Variants in GABRB2 observed in about 807,000 individuals in gnomAD.
GABRB2 encodes gamma-aminobutyric acid type A receptor subunit beta2.
In GABRB2, 16 loss-of-function variants were observed where a neutral mutation model predicts 54.7. That is an observed-to-expected ratio of 0.29 (90% CI 0.20 to 0.44). GABRB2 has a LOEUF of 0.44. GABRB2 is among the 20% of genes least tolerant of loss of function. The pLI is 1.00. For synonymous variants in GABRB2, 244 were observed against 233.8 expected, an observed-to-expected ratio of 1.04 and a Z score of -0.40; for missense variants, 355 against 644.0, an observed-to-expected ratio of 0.55 and a Z score of 4.86.
chr5:161,319,942 C>T (rs1433639982), intron 9 of GABRB2, among the ~76,000 whole-genome samples: 1 of 151,052 alleles, frequency 6.6e-6, no homozygotes, highest in Non-Finnish European at 1.5e-5. Flanking sequence ...ATTATATATC[C>T]ACATTTTCTA....
intron 3 of GABRB2, among the ~76,000 whole-genome samples, chr5:161,517,827 C>T (rs987764159): frequency 4.1e-4 from 62 of 150,908 alleles, no homozygotes; most frequent in Admixed American, 2.0e-4. Context: ...GACAGAGTCT[C>T]ACTCTGTTGC....
At chr5:161,493,543 C>T (rs1759138923) in intron 3 of GABRB2, among the ~76,000 whole-genome samples, 1 of 151,554 alleles carries the variant, frequency 6.6e-6, no homozygotes, top group Admixed American at 6.6e-5. Context: ...ATGAGAGATT[C>T]TGTTTAAAAA....
chr5:161,544,323 G>C (rs1408878714), intron 3 of GABRB2, among the ~76,000 whole-genome samples: 4 of 152,000 alleles, frequency 2.6e-5, no homozygotes, highest in Non-Finnish European at 4.4e-5. Flanking sequence ...CTATCTAGAG[G>C]GACTTCTCCA....
chr5:161,322,864 C>T (rs894720650), intron 9 of GABRB2, among the ~76,000 whole-genome samples: 2 of 151,932 alleles, frequency 1.3e-5, no homozygotes, highest in Non-Finnish European at 2.9e-5. Context: ...CTCTTTTAAT[C>T]GCTTCTTGTT....
At chr5:161,509,575 G>A (rs1461432031) in intron 3 of GABRB2, among the ~76,000 whole-genome samples, 1 of 151,882 alleles carries the variant, frequency 6.6e-6, no homozygotes. Flanking sequence ...TGTACTCATG[G>A]CACTCTATCG....
intron 9 of GABRB2, among the ~76,000 whole-genome samples, chr5:161,305,311 C>T (rs1297343263): frequency 2.6e-5 from 4 of 152,134 alleles, no homozygotes; most frequent in Admixed American, 6.5e-5. Flanking sequence ...CCACCACGCC[C>T]GGCCGATATA....
chr5:161,412,663 A>G (rs1756553702), intron 4 of GABRB2, among the ~76,000 whole-genome samples: 2 of 152,152 alleles, frequency 1.3e-5, no homozygotes, highest in South Asian at 2.1e-4. Flanking sequence ...TCCCAGTATC[A>G]TCTCACTCCA....
chr5:161,429,300 C>A, intron 4 of GABRB2, among the ~76,000 whole-genome samples: 1 of 138,088 alleles, frequency 7.2e-6, no homozygotes, highest in Non-Finnish European at 1.5e-5. Context: ...GAGCTGAGAT[C>A]GCACCACTGC....
At chr5:161,463,317 CCACA>C (rs137863733) in intron 3 of GABRB2, among the ~76,000 whole-genome samples, 27,529 of 140,970 alleles carry the variant, frequency 0.2, 2,571 homozygotes, top group Middle Eastern at 0.26. Flanking sequence ...TACACACACA[CCACA>C]CACACACACA....
chr5:161,300,213 A>G (rs1175325398), intron 9 of GABRB2, among the ~76,000 whole-genome samples: 1 of 152,226 alleles, frequency 6.6e-6, no homozygotes, highest in African/African-American at 2.4e-5. Context: ...CCGTAAGTTT[A>G]TTGAATTTTA....
chr5:161,306,417 TA>T (rs111658009), intron 9 of GABRB2, among the ~76,000 whole-genome samples: 16 of 152,364 alleles, frequency 1.1e-4, no homozygotes, highest in African/African-American at 3.8e-4. Flanking sequence ...TGTATAGAGA[TA>T]TTTTTTTCCA....
At chr5:161,362,256 T>C (rs1223505050) in intron 5 of GABRB2, among the ~76,000 whole-genome samples, 1 of 152,186 alleles carries the variant, frequency 6.6e-6, no homozygotes, top group Non-Finnish European at 1.5e-5. Flanking sequence ...CTTGGCTATA[T>C]GGGCTCTTCT....
intron 4 of GABRB2, among the ~76,000 whole-genome samples, chr5:161,419,487 C>G (rs531259456): frequency 1.3e-5 from 2 of 152,140 alleles, no homozygotes; most frequent in Non-Finnish European, 2.9e-5. Context: ...TAAACCGCTA[C>G]GCCAAAAGGA....
At chr5:161,530,569 T>C (rs1221874506) in intron 3 of GABRB2, among the ~76,000 whole-genome samples, 1 of 152,036 alleles carries the variant, frequency 6.6e-6, no homozygotes, top group African/African-American at 2.4e-5. Flanking sequence ...TGGAAAAAAA[T>C]ATATCTCTTC....
At chr5:161,542,027 G>T (rs1760836277) in intron 3 of GABRB2, among the ~76,000 whole-genome samples, 1 of 152,176 alleles carries the variant, frequency 6.6e-6, no homozygotes, top group African/African-American at 2.4e-5. Flanking sequence ...TTTCCATATT[G>T]TTGTGTCTCA....
chr5:161,391,612 A>T (rs1039720001), intron 5 of GABRB2, among the ~76,000 whole-genome samples: 2 of 152,212 alleles, frequency 1.3e-5, no homozygotes, highest in African/African-American at 4.8e-5. Flanking sequence ...ATGTAATATT[A>T]GCATTAGGAA....
chr5:161,330,410 T>A (rs1753803602), intron 8 of GABRB2: 3 of 153,798 alleles, frequency 2.0e-5, no homozygotes, highest in Admixed American at 6.4e-5. Flanking sequence ...TGCTTATCTT[T>A]CCTTTAAGTC....
At chr5:161,427,525 A>G (rs1313198124) in intron 4 of GABRB2, among the ~76,000 whole-genome samples, 7 of 152,182 alleles carry the variant, frequency 4.6e-5, no homozygotes, top group Admixed American at 3.9e-4. Flanking sequence ...TGTACGTTCA[A>G]GTTCACCAAA....
intron 9 of GABRB2, among the ~76,000 whole-genome samples, chr5:161,324,510 T>C (rs1400711884): frequency 6.6e-6 from 1 of 152,144 alleles, no homozygotes; most frequent in African/African-American, 2.4e-5. Flanking sequence ...TTAGTAGTTT[T>C]AGTTTTCAGT....
Sources: gnomAD v4.1 joint callset for allele counts (sites outside exome capture counted in the v4.1 genomes callset) on GRCh38, gnomAD v4.1.1 for gene constraint, MANE v1.5 for transcripts, NCBI Gene and HGNC (gene_info 2026-07-23, HGNC 2026-07-21) for gene names.